Variants in FRAS1 observed in about 807,000 individuals in gnomAD.
FRAS1 encodes the protein Fraser extracellular matrix complex subunit 1.
FRAS1 carries 290 observed loss-of-function variants against 435.2 expected under a neutral mutation model. The observed-to-expected ratio is 0.67, with a 90% CI of 0.61 to 0.73. The LOEUF is 0.73. Among genes scored for constraint, FRAS1 ranks in the 30% least tolerant of loss-of-function variants. The pLI is 0.00. For missense variants in FRAS1, 4,860 were observed against 5,001.5 expected (o/e 0.97, Z 0.85); for synonymous variants, 1,800 against 1,851.0 (o/e 0.97, Z 0.71).
intron 2 of FRAS1, among the ~76,000 whole-genome samples, chr4:78,128,152 T>C (rs1394948803): frequency 6.6e-6 from 1 of 152,116 alleles, no homozygotes; most frequent in African/African-American, 2.4e-5. Flanking sequence ...CAGTCTATCA[T>C]TGTTGGACAT....
chr4:78,127,653 AAACAAAC>A (rs1356172743), intron 2 of FRAS1, among the ~76,000 whole-genome samples: 7 of 80,700 alleles, frequency 8.7e-5, no homozygotes, highest in Non-Finnish European at 1.3e-4. Context: ...ACAAACAAAC[AAACAAAC>A]AACAACAACA....
At chr4:78,455,172 A>G (rs969729403) in intron 47 of FRAS1, among the ~76,000 whole-genome samples, 1 of 145,242 alleles carries the variant, frequency 6.9e-6, no homozygotes, top group Non-Finnish European at 1.5e-5. Flanking sequence ...CTCATCACCA[A>G]CCCCACACTG....
At chr4:78,376,236 T>A (rs1731755540) in intron 26 of FRAS1, among the ~76,000 whole-genome samples, 1 of 152,196 alleles carries the variant, frequency 6.6e-6, no homozygotes, top group African/African-American at 2.4e-5. Context: ...GAGAAATGCA[T>A]CATTAAGCAG....
chr4:78,197,707 T>C (rs912932844), intron 2 of FRAS1, among the ~76,000 whole-genome samples: 8 of 152,042 alleles, frequency 5.3e-5, no homozygotes, highest in Non-Finnish European at 1.0e-4. Flanking sequence ...TTTGGGAGGC[T>C]AAGGCGGGTG....
Position 78,541,924 on chromosome 4 carries a change from G to A in FRAS1, c.*800G>A, listed in dbSNP as rs979575770. 4.7e-4 allele frequency: 71 copies of A among 152,194 alleles called. No homozygotes were observed. The highest frequency in any genetic ancestry group is 4.3e-3 in the Admixed American group (65 of 15,280). The allele number at this position is 152,194 out of a possible 1,614,324, so 9.4% of individuals were successfully genotyped here. A position where few individuals can be genotyped will look rare whatever the true frequency, so the allele number is the denominator to read the frequency against. On this transcript the variant is annotated 3_prime_UTR_variant, in exon 74 of 74. Coordinates refer to ENST00000512123, the MANE Select transcript of FRAS1 (RefSeq NM_025074.7). Reference sequence around the variant, plus strand: ...CACTGAGACATCCATCCCTGACCAAGGATGCTGCGAAACAGGATCAATGTA... The same window carrying A: ...CACTGAGACATCCATCCCTGACCAAAGATGCTGCGAAACAGGATCAATGTA...
At chr4:78,355,077 T>C (rs1035558311) in intron 20 of FRAS1, among the ~76,000 whole-genome samples, 1 of 152,150 alleles carries the variant, frequency 6.6e-6, no homozygotes, top group Admixed American at 6.5e-5. Flanking sequence ...AATATTTTTA[T>C]CTGTTTAAAT....
chr4:78,362,766 G>A (rs1299628033), intron 20 of FRAS1, among the ~76,000 whole-genome samples: 1 of 152,190 alleles, frequency 6.6e-6, no homozygotes, highest in East Asian at 1.9e-4. Context: ...AGAGAGTGGA[G>A]CTGGAGAGGG....
At chr4:78,518,158 G>A (rs141694871) in intron 66 of FRAS1, among the ~76,000 whole-genome samples, 1 of 151,692 alleles carries the variant, frequency 6.6e-6, no homozygotes, top group East Asian at 1.9e-4. Context: ...ACAAAGTAAG[G>A]CATGTCAAAA....
chr4:78,524,875 G>T (rs1004759704), intron 69 of FRAS1, among the ~76,000 whole-genome samples: 5 of 152,090 alleles, frequency 3.3e-5, no homozygotes, highest in Non-Finnish European at 7.4e-5. Flanking sequence ...AGACAGAAAT[G>T]GGGAGACATT....
In FRAS1 at chr4:78,539,406, A is replaced by G; in HGVS notation, c.11411A>G (p.Asp3804Gly). Residue 3804 changes from aspartate (D) to glycine (G), a missense_variant, in exon 73 of 74, where the codon GAT (aspartate) becomes GGT (glycine). Physicochemically the swap from Asp to Gly is moderately conservative, Grantham distance 94 (BLOSUM62 -1). Coordinates refer to ENST00000512123, the MANE Select transcript of FRAS1 (RefSeq NM_025074.7). ...FHVVSNMPGV[D>G]GFTLKVDALY... ...GTGGTCAGTAACATGCCAGGTGTGG[A>G]TGGATTTACTCTAAAAGTAGATGCA... 1 of 1,611,478 alleles carries G rather than the reference A, an allele frequency of 6.2e-7. No individual in the cohort carries two copies.
chr4:78,177,109 A>C (rs2110045164), intron 2 of FRAS1, among the ~76,000 whole-genome samples: 1 of 142,232 alleles, frequency 7.0e-6, no homozygotes, highest in East Asian at 2.1e-4. Context: ...TTTTTTTGAG[A>C]CAGAGTCTTG....
In FRAS1 at chr4:78,475,587, A is replaced by T. The variant is rs1480978100; in HGVS notation, c.7832A>T (p.Tyr2611Phe). ...RVSSQPGQQD[Y>F]VEYAGQVQFD... ...AGCTCCCAACCTGGGCAACAGGACT[A>T]TGTAGAGTATGCTGGCCAGGTAGGT... Residue 2611 changes from tyrosine to phenylalanine, a missense_variant, in exon 54 of 74, where the codon TAT becomes TTT. By Grantham distance (22) the Tyr-to-Phe change is conservative. Transcript: ENST00000512123. 3 of 1,599,536 alleles carry T rather than the reference A, an allele frequency of 1.9e-6. No homozygotes were observed. In the African/African-American group the frequency reaches 4.0e-5, roughly 21 times the overall value.
At chr4:78,482,878 G>A (rs1720054959) in intron 58 of FRAS1, among the ~76,000 whole-genome samples, 1 of 152,200 alleles carries the variant, frequency 6.6e-6, no homozygotes, top group East Asian at 1.9e-4. Flanking sequence ...CACTATGGGA[G>A]CAGAGGGAAC....
intron 45 of FRAS1, among the ~76,000 whole-genome samples, chr4:78,450,706 T>G (rs1166202247): frequency 6.6e-6 from 1 of 152,148 alleles, no homozygotes; most frequent in Non-Finnish European, 1.5e-5. Context: ...GTGAGCAATT[T>G]ATATCTCTTT....
intron 2 of FRAS1, among the ~76,000 whole-genome samples, chr4:78,078,618 A>G (rs1172877085): frequency 1.3e-5 from 2 of 152,162 alleles, no homozygotes; most frequent in Non-Finnish European, 2.9e-5. Context: ...AGAATTACAT[A>G]GTAGAACTTA....
intron 6 of FRAS1, chr4:78,264,775 A>C (rs1193858356): frequency 5.6e-6 from 3 of 535,518 alleles, no homozygotes; most frequent in Non-Finnish European, 1.0e-5. Flanking sequence ...TATTATTGTT[A>C]TTTGTGCTTT....
chr4:78,344,502 TG>T (rs1730524941), intron 20 of FRAS1, among the ~76,000 whole-genome samples: 1 of 93,280 alleles, frequency 1.1e-5, no homozygotes, highest in Non-Finnish European at 2.1e-5. Flanking sequence ...TTCCAGAGTC[TG>T]GAATGTGATT....
intron 9 of FRAS1, among the ~76,000 whole-genome samples, chr4:78,269,693 TA>T (rs1726556937): frequency 1.3e-5 from 2 of 152,212 alleles, no homozygotes; most frequent in African/African-American, 4.8e-5. Context: ...CATTGAAACA[TA>T]AACAAATCAA....
At chr4:78,178,425 A>T (rs977534286) in intron 2 of FRAS1, among the ~76,000 whole-genome samples, 4 of 152,246 alleles carry the variant, frequency 2.6e-5, no homozygotes, top group African/African-American at 7.2e-5. Flanking sequence ...TACATGAAGT[A>T]GTGATATCTC....
Sources: gnomAD v4.1 joint callset for allele counts (sites outside exome capture counted in the v4.1 genomes callset) on GRCh38, gnomAD v4.1.1 for gene constraint, MANE v1.5 for transcripts, NCBI Gene and HGNC (gene_info 2026-07-23, HGNC 2026-07-21) for gene names.